OPCML: variants seen among roughly 807,000 people sequenced by gnomAD.
OPCML encodes opioid-binding protein/cell adhesion molecule.
Under a neutral mutation model 37.8 loss-of-function variants are expected in OPCML, and 13 were observed. The observed-to-expected ratio is 0.34, with a 90% CI of 0.22 to 0.55. OPCML has a LOEUF of 0.55. Among genes scored for constraint, OPCML ranks in the 20% least tolerant of loss-of-function variants. The pLI is 0.91. For synonymous variants in OPCML, 176 were observed against 168.8 expected (o/e 1.04, Z -0.33); for missense variants, 341 against 435.6 (o/e 0.78, Z 1.93).
Position 132,944,500 on chromosome 11 carries a change from G to A in OPCML, c.62-1490C>T, listed in dbSNP as rs147383219. Among the ~76,000 whole-genome samples, 840 of 152,276 alleles carry A rather than the reference G, an allele frequency of 5.5e-3. 9 individuals carry two copies. Among genetic ancestry groups the A allele is most frequent in the Middle Eastern group, 0.014 (4 of 292 alleles). On this transcript the variant is annotated intron_variant, in intron 1 of 7. Coordinates refer to ENST00000524381, the MANE Select transcript of OPCML (RefSeq NM_001012393.5). ...AAACGCCCGTGCCCCTCCACTGGAC[G>A]CCTGTCCCCAAAGTGGCAAATCTCA...
At chr11:133,507,678 C>A (rs1031807449) in intron 1 of OPCML, among the ~76,000 whole-genome samples, 3 of 152,184 alleles carry the variant, frequency 2.0e-5, no homozygotes, top group African/African-American at 7.2e-5. Flanking sequence ...GGCACAGTGG[C>A]TCACGCTTGT....
intron 1 of OPCML, among the ~76,000 whole-genome samples, chr11:133,453,267 T>C (rs931228964): frequency 3.3e-5 from 5 of 152,214 alleles, no homozygotes; most frequent in African/African-American, 1.2e-4. Flanking sequence ...ATTGAAAACT[T>C]AATCAGAATG....
At chr11:132,599,557 C>A (rs1157581419) in intron 3 of OPCML, among the ~76,000 whole-genome samples, 2 of 152,074 alleles carry the variant, frequency 1.3e-5, no homozygotes, top group African/African-American at 4.8e-5. Flanking sequence ...AAATGGCAGG[C>A]TCACATCTCA....
intron 1 of OPCML, among the ~76,000 whole-genome samples, chr11:133,082,924 G>T (rs1039612740): frequency 6.6e-6 from 1 of 150,412 alleles, no homozygotes; most frequent in Non-Finnish European, 1.5e-5. Flanking sequence ...GGGGCGCCAG[G>T]GGCCGGGGCG....
chr11:133,239,660 G>A (rs573645953), intron 1 of OPCML, among the ~76,000 whole-genome samples: 8 of 152,310 alleles, frequency 5.3e-5, no homozygotes, highest in Middle Eastern at 3.4e-3. Context: ...GCCATGGCGC[G>A]GTGTGACATC....
chr11:132,994,400 G>A (rs538552725), intron 1 of OPCML, among the ~76,000 whole-genome samples: 51 of 152,332 alleles, frequency 3.3e-4, no homozygotes, highest in African/African-American at 1.1e-3. Context: ...GAAGAGGGAA[G>A]GGCTGGGGAA....
chr11:133,515,538 C>T (rs75773426), intron 1 of OPCML, among the ~76,000 whole-genome samples: 7 of 152,112 alleles, frequency 4.6e-5, no homozygotes, highest in Admixed American at 3.3e-4. Context: ...AAATCAAGTT[C>T]GAGAAGCTAA....
At chr11:132,568,990 T>C (rs927305553) in intron 3 of OPCML, among the ~76,000 whole-genome samples, 3 of 152,250 alleles carry the variant, frequency 2.0e-5, no homozygotes, top group African/African-American at 7.2e-5. Flanking sequence ...AAAGCCATTA[T>C]GGATCGCCAA....
chr11:133,017,197 A>G (rs1947350047), intron 1 of OPCML, among the ~76,000 whole-genome samples: 2 of 151,940 alleles, frequency 1.3e-5, no homozygotes, highest in East Asian at 3.9e-4. Flanking sequence ...TTATAAGCGC[A>G]CTAATCCCAT....
chr11:132,631,552 C>T (rs1414350210), intron 3 of OPCML, among the ~76,000 whole-genome samples: 7 of 150,948 alleles, frequency 4.6e-5, no homozygotes, highest in South Asian at 4.2e-4. Context: ...CTCCGCCTCC[C>T]GGGTTCACGC....
intron 2 of OPCML, among the ~76,000 whole-genome samples, chr11:132,942,558 T>C (rs1276095391): frequency 6.6e-6 from 1 of 151,676 alleles, no homozygotes; most frequent in Non-Finnish European, 1.5e-5. Context: ...ATGTACCTTC[T>C]GGCCTGTGAC....
rs541625463 is a variant in OPCML, at chr11:132,417,650, T to C, written c.*2543A>G. 3.3e-5 allele frequency: 5 copies of C among 152,264 alleles called. 1 individual carries two copies. In the East Asian group the frequency reaches 7.7e-4, roughly 24 times the overall value. The allele number at this position is 152,264 out of a possible 1,614,324, so 9.4% of individuals were successfully genotyped here. ...AGCTTGTCCATTTCAAGCACTGTGT[T>C]CTCCAAGACTGTCCACTCTTCACAG... On this transcript the variant is annotated 3_prime_UTR_variant, in exon 8 of 8. Transcript: ENST00000524381.
At chr11:132,987,069 C>T (rs1394837955) in intron 1 of OPCML, among the ~76,000 whole-genome samples, 1 of 152,148 alleles carries the variant, frequency 6.6e-6, no homozygotes, top group Admixed American at 6.5e-5. Flanking sequence ...TCCATCCACG[C>T]TCTCCCTCTT....
chr11:132,429,808 C>T (rs758966668), intron 7 of OPCML, among the ~76,000 whole-genome samples: 11 of 152,054 alleles, frequency 7.2e-5, no homozygotes, highest in African/African-American at 2.7e-4. Context: ...TTAAAGCATC[C>T]GGAATAAGGC....
chr11:133,110,595 CAGGTGGGG>C (rs1304547638), intron 1 of OPCML, among the ~76,000 whole-genome samples: 1 of 151,986 alleles, frequency 6.6e-6, no homozygotes, highest in East Asian at 1.9e-4. Context: ...AACTCCAGCT[CAGGTGGGG>C]ATGTTTTACG....
chr11:133,518,558 AGT>A (rs1353597270), intron 1 of OPCML, among the ~76,000 whole-genome samples: 7 of 151,760 alleles, frequency 4.6e-5, no homozygotes, highest in African/African-American at 1.2e-4. Flanking sequence ...TGCATGCACA[AGT>A]GTGTGTGTGC....
intron 3 of OPCML, among the ~76,000 whole-genome samples, chr11:132,560,804 T>C (rs1016341641): frequency 1.3e-5 from 2 of 152,196 alleles, no homozygotes; most frequent in Non-Finnish European, 2.9e-5. Context: ...CTTTGTACAT[T>C]CTGGTTGTTA....
chr11:133,297,474 A>G (rs1199870598), intron 1 of OPCML: 2 of 152,220 alleles, frequency 1.3e-5, no homozygotes, highest in African/African-American at 4.8e-5. Context: ...TAGGCCTTGT[A>G]ACAAGGGACT....
chr11:133,073,292 C>T (rs1948570573), intron 1 of OPCML, among the ~76,000 whole-genome samples: 1 of 152,212 alleles, frequency 6.6e-6, no homozygotes, highest in African/African-American at 2.4e-5. Flanking sequence ...TCTCGGTTTG[C>T]ACCTGCGAGG....
Sources: gnomAD v4.1 joint callset for allele counts (sites outside exome capture counted in the v4.1 genomes callset) on GRCh38, gnomAD v4.1.1 for gene constraint, MANE v1.5 for transcripts, NCBI Gene and HGNC (gene_info 2026-07-23, HGNC 2026-07-21) for gene names.